Variants in NEDD1 observed in about 807,000 individuals in gnomAD.
NEDD1 encodes protein NEDD1.
NEDD1 carries 33 observed loss-of-function variants against 74.0 expected under a neutral mutation model. The ratio of observed to expected loss-of-function variants is 0.45; its 90% CI spans 0.34 to 0.60. The LOEUF is 0.60. Ranked by LOEUF, NEDD1 falls within the 20% of genes least tolerant of loss-of-function variation. The pLI, the probability that NEDD1 is intolerant of heterozygous loss-of-function variation, is 0.01. For missense variants in NEDD1, 746 were observed against 776.5 expected (o/e 0.96, Z 0.47); for synonymous variants, 250 against 264.4 (o/e 0.95, Z 0.53).
chr12:96,929,011 T>C (rs1876046549), intron 6 of NEDD1, among the ~76,000 whole-genome samples: 1 of 151,960 alleles, frequency 6.6e-6, no homozygotes, highest in Non-Finnish European at 1.5e-5. Flanking sequence ...TCTTAATATG[T>C]AGTTTCAAGT....
At chr12:96,930,214 C>G (rs956953333) in intron 6 of NEDD1, among the ~76,000 whole-genome samples, 1 of 119,970 alleles carries the variant, frequency 8.3e-6, no homozygotes, top group East Asian at 2.6e-4. Flanking sequence ...CACACACACT[C>G]TCTCTCTCTC....
chr12:96,912,689 T>C, intron 3 of NEDD1, 34 bp from the exon 4 acceptor site: 2 of 982,150 alleles, frequency 2.0e-6, no homozygotes, highest in Non-Finnish European at 3.3e-6. Flanking sequence ...TAGATGTTCA[T>C]GGATTGTTTG....
Position 96,909,780 on chromosome 12 carries a change from T to G in NEDD1, c.21T>G (p.Phe7Leu). 6.2e-7 allele frequency: 1 copy of G among 1,613,218 alleles called. No individual in the cohort carries two copies. The change falls in exon 3 of 16, where the codon TTT becomes TTG. Residue 7 changes from phenylalanine (F) to leucine (L), a missense_variant. By Grantham distance (22) the Phe-to-Leu change is conservative (BLOSUM62 0). This residue lies in a region of NEDD1 where 11 missense variants were observed against 19.0 expected (regional missense o/e 0.58). Coordinates refer to ENST00000266742, the MANE Select transcript of NEDD1 (RefSeq NM_152905.4). The stretch of plus-strand genomic sequence containing the variant: ...CAGTCATGCAGGAAAACCTCAGATT[T>G]GCTTCATCAGGAGATGATATTAAAA... Reference protein sequence around the residue: MQENLRFASSGDDIKIW... With the variant: MQENLRLASSGDDIKIW...
At chr12:96,919,680 C>T (rs1416232296) in intron 5 of NEDD1, among the ~76,000 whole-genome samples, 8 of 152,160 alleles carry the variant, frequency 5.3e-5, no homozygotes, top group Non-Finnish European at 8.8e-5. Flanking sequence ...TATTCTCTGC[C>T]ATTTTCATGT....
At chr12:96,951,891 G>A (rs1216286638) in intron 15 of NEDD1, 58 bp from the exon 16 acceptor site, 1 of 901,300 alleles carries the variant, frequency 1.1e-6, no homozygotes, top group Non-Finnish European at 1.8e-6. Flanking sequence ...ATTAAACATA[G>A]CCTGCCAAAT....
In NEDD1 at chr12:96,911,802, A is replaced by G. The variant is rs143897198; in HGVS notation, c.137-921A>G. Among the ~76,000 whole-genome samples, 131 of 152,324 alleles carry G rather than the reference A, an allele frequency of 8.6e-4. 2 individuals are homozygous for G. In the East Asian group the frequency reaches 0.02, roughly 24 times the overall value. ...AATGATTTGATTTGCATCATGTATC[A>G]TAATAAAATTACAGTCTATGCTCTG... On this transcript the variant is annotated intron_variant, in intron 3 of 15. Coordinates refer to ENST00000266742, the MANE Select transcript of NEDD1 (RefSeq NM_152905.4).
At chr12:96,943,496 T>C in intron 11 of NEDD1, 64 bp from the exon 12 acceptor site, 1 of 1,059,254 alleles carries the variant, frequency 9.4e-7, no homozygotes, top group Non-Finnish European at 1.4e-6. Context: ...TCATGTTAAA[T>C]GCTTTTCTTC....
chr12:96,942,421 G>A (rs1877749949), intron 10 of NEDD1, among the ~76,000 whole-genome samples, 156 bp from the exon 11 acceptor site: 1 of 152,088 alleles, frequency 6.6e-6, no homozygotes, highest in South Asian at 2.1e-4. Context: ...ATGTAAAAGA[G>A]AAATTTAAAT....
intron 6 of NEDD1, among the ~76,000 whole-genome samples, chr12:96,921,775 ATT>A (rs372584752): frequency 5.4e-4 from 76 of 140,732 alleles, no homozygotes; most frequent in Non-Finnish European, 7.2e-4. Flanking sequence ...AGCCTGGCTA[ATT>A]TTTTTTTTTT....
At chr12:96,927,067 AGTT>A in intron 6 of NEDD1, among the ~76,000 whole-genome samples, 1 of 152,226 alleles carries the variant, frequency 6.6e-6, no homozygotes, top group Non-Finnish European at 1.5e-5. Flanking sequence ...TCTGTCAAAA[AGTT>A]GACATAATTG....
At chr12:96,944,834 AT>A in intron 13 of NEDD1, 39 bp downstream of exon 13, 1 of 1,425,420 alleles carries the variant, frequency 7.0e-7, no homozygotes, top group Non-Finnish European at 9.4e-7. Context: ...AAAGTGTTTG[AT>A]TGAAAAATCA....
At position 96,919,972 on chromosome 12, in the gene NEDD1, TTC is replaced by T. The variant is rs1342444866; in HGVS notation, c.349-7_349-6del. 6.3e-7 allele frequency: 1 copy of T among 1,589,516 alleles called. No homozygotes were observed. ...TATGGGGCAGTGTACTTACTTTCAT[TTC>T]TCTCTTTCAGGATCATAAAGATCAA... is the stretch of plus-strand genomic sequence containing the variant. On this transcript the variant is annotated splice_polypyrimidine_tract_variant and intron_variant, in intron 5 of 15. Coordinates refer to ENST00000266742, the MANE Select transcript of NEDD1 (RefSeq NM_152905.4).
chr12:96,907,655 G>A lies in NEDD1; in HGVS notation c.-210G>A, dbSNP rs778875894. The A allele has an allele frequency of 3.9e-6, 6 of 1,551,174 alleles. No individual in the cohort carries two copies. The highest frequency in any genetic ancestry group is 5.2e-6 in the Non-Finnish European group (6 of 1,146,550). On this transcript the variant is annotated 5_prime_UTR_variant, in exon 2 of 16. Transcript: ENST00000266742. ...CCTCACTTGAGCTGTTGTCCTGCAA[G>A]TAAAGTGTATTTTTGGTGATTGAAA...
rs764715373 is a variant in NEDD1 at position 96,920,123 on chromosome 12, C to G, written c.487C>G (p.Gln163Glu). ...TACTCCTTTTGGCCATGGTAGTAAC[C>G]AGGTACAGTATGAGTTTATTCAGAG... Reference protein sequence around the residue: ...SSTPFGHGSNQSVRHLKYSLF... With the variant: ...SSTPFGHGSNESVRHLKYSLF... Residue 163 changes from glutamine (Q) to glutamate (E), a missense_variant and splice_region_variant, in exon 6 of 16, where the codon CAG becomes GAG. By Grantham distance (29) the Gln-to-Glu change is conservative. Transcript: ENST00000266742. 7.0e-6 allele frequency: 11 copies of G among 1,581,074 alleles called. No homozygotes were observed. Among genetic ancestry groups the G allele is most frequent in the Middle Eastern group, 1.7e-4 (1 of 5,856 alleles).
chr12:96,927,095 C>G (rs1040830336), intron 6 of NEDD1, among the ~76,000 whole-genome samples: 3 of 151,982 alleles, frequency 2.0e-5, no homozygotes, highest in Non-Finnish European at 4.4e-5. Flanking sequence ...CAGTCTGTTA[C>G]TTAGGCCAAT....
intron 6 of NEDD1, among the ~76,000 whole-genome samples, chr12:96,920,926 TTTTTAAG>T (rs1680008263): frequency 7.3e-6 from 1 of 137,120 alleles, no homozygotes; most frequent in South Asian, 2.5e-4. Context: ...GAAAAAGTCT[TTTTTAAG>T]TTTCATATAT....
intron 9 of NEDD1, among the ~76,000 whole-genome samples, chr12:96,938,303 A>G (rs1019713590): frequency 2.0e-5 from 3 of 152,072 alleles, no homozygotes; most frequent in Non-Finnish European, 4.4e-5. Flanking sequence ...TTAAGTTCTT[A>G]TTTAGGAACT....
At position 96,945,847 on chromosome 12, in the gene NEDD1, T is replaced by C; in HGVS notation, c.1809T>C (p.Phe603=). 2 of 1,601,908 alleles carry C rather than the reference T, an allele frequency of 1.2e-6. No homozygotes were observed. Among genetic ancestry groups the C allele is most frequent in the African/African-American group, 1.3e-5 (1 of 74,616 alleles). Reference sequence around the variant, plus strand: ...TGATACAGGAAACGTTGGATGACTTTAGGTAGTAATTGAGAAACTACTCCT... The same window carrying C: ...TGATACAGGAAACGTTGGATGACTTCAGGTAGTAATTGAGAAACTACTCCT... ...QNMIQETLDD[F]REACHRDIVN... is the part of the protein sequence containing the mutation. The change falls in exon 14 of 16, where the codon TTT becomes TTC. Residue 603 remains phenylalanine (F), a splice_region_variant and synonymous_variant. Transcript: ENST00000266742.
chr12:96,928,970 G>A (rs111423351), intron 6 of NEDD1, among the ~76,000 whole-genome samples: 9 of 151,954 alleles, frequency 5.9e-5, no homozygotes, highest in African/African-American at 9.6e-5. Flanking sequence ...GATTACAGGC[G>A]TGAGCCACCA....
Sources: gnomAD v4.1 joint callset for allele counts (sites outside exome capture counted in the v4.1 genomes callset) on GRCh38, gnomAD v4.1.1 for gene constraint, gnomAD v4.1.1 regional missense constraint, MANE v1.5 for transcripts, NCBI Gene and HGNC (gene_info 2026-07-23, HGNC 2026-07-21) for gene names.